Variants in NUDCD3 observed in about 807,000 individuals in gnomAD.
The protein encoded by NUDCD3 is nudC domain-containing protein 3.
NUDCD3 carries 13 observed loss-of-function variants against 39.7 expected under a neutral mutation model. That is an observed-to-expected ratio of 0.33 (90% CI 0.21 to 0.52). The LOEUF (loss-of-function observed/expected upper bound fraction) is 0.52. Among genes scored for constraint, NUDCD3 ranks in the 20% least tolerant of loss-of-function variants. The pLI is 0.96. For synonymous variants in NUDCD3, 175 were observed against 172.4 expected (o/e 1.02, Z -0.12); for missense variants, 453 against 458.1 (o/e 0.99, Z 0.10).
At chr7:44,406,294 A>T (rs1798819449) in intron 3 of NUDCD3, among the ~76,000 whole-genome samples, 2 of 152,176 alleles carry the variant, frequency 1.3e-5, no homozygotes, top group Admixed American at 6.5e-5. Flanking sequence ...TTCATAGGGG[A>T]ATTTACCACG....
chr7:44,453,409 G>C (rs1799832461), intron 2 of NUDCD3, among the ~76,000 whole-genome samples: 1 of 151,940 alleles, frequency 6.6e-6, no homozygotes, highest in Non-Finnish European at 1.5e-5. Context: ...AATGTCCATA[G>C]AATCCCATAG....
At chr7:44,416,197 C>A (rs186739966) in intron 3 of NUDCD3, among the ~76,000 whole-genome samples, 4 of 152,180 alleles carry the variant, frequency 2.6e-5, no homozygotes, top group African/African-American at 9.7e-5. Flanking sequence ...AATCCTCCCA[C>A]CTCTGCCTCC....
At chr7:44,473,103 T>C (rs890109166) in intron 2 of NUDCD3, among the ~76,000 whole-genome samples, 3 of 152,110 alleles carry the variant, frequency 2.0e-5, no homozygotes, top group African/African-American at 7.2e-5. Context: ...AATAATAAGA[T>C]CTACACAGCA....
At chr7:44,431,435 TC>T (rs1231825069) in intron 2 of NUDCD3, among the ~76,000 whole-genome samples, 3 of 152,216 alleles carry the variant, frequency 2.0e-5, no homozygotes, top group South Asian at 4.1e-4. Flanking sequence ...GCCAGACCCT[TC>T]CTGGCAGACT....
intron 2 of NUDCD3, among the ~76,000 whole-genome samples, chr7:44,428,123 T>TAAAA (rs55642004): frequency 9.2e-5 from 7 of 76,102 alleles, no homozygotes; most frequent in African/African-American, 2.1e-4. Flanking sequence ...GGTCAATCTT[T>TAAAA]AAAAAAAAAA....
chr7:44,490,297 A>C (rs893539031), intron 1 of NUDCD3, 112 bp downstream of exon 1: 1 of 1,059,066 alleles, frequency 9.4e-7, no homozygotes, highest in African/African-American at 1.6e-5. Flanking sequence ...GCTCAACCCC[A>C]GGACACCAGG....
At chr7:44,430,620 C>T (rs1799346089) in intron 2 of NUDCD3, among the ~76,000 whole-genome samples, 1 of 151,132 alleles carries the variant, frequency 6.6e-6, no homozygotes, top group South Asian at 2.1e-4. Flanking sequence ...CCAACATGGC[C>T]CCAGCACTTG....
chr7:44,434,181 G>A (rs542152456), intron 2 of NUDCD3, among the ~76,000 whole-genome samples: 7 of 152,140 alleles, frequency 4.6e-5, no homozygotes, highest in African/African-American at 1.4e-4. Flanking sequence ...CTGAGAGCTC[G>A]TCCACTCATG....
intron 2 of NUDCD3, among the ~76,000 whole-genome samples, chr7:44,459,969 G>A (rs2116947679): frequency 6.6e-6 from 1 of 152,306 alleles, no homozygotes; most frequent in Non-Finnish European, 1.5e-5. Flanking sequence ...TCAAGTCACA[G>A]TGGAATTCAT....
At chr7:44,484,725 G>A (rs962015882) in intron 2 of NUDCD3, 3 of 441,158 alleles carry the variant, frequency 6.8e-6, no homozygotes, top group African/African-American at 5.9e-5. Flanking sequence ...TCTAATTTTG[G>A]CTCTGGATCT....
At chr7:44,444,940 T>C (rs1799661747) in intron 2 of NUDCD3, among the ~76,000 whole-genome samples, 1 of 152,232 alleles carries the variant, frequency 6.6e-6, no homozygotes, top group African/African-American at 2.4e-5. Context: ...GTGAAATCTC[T>C]GCCAATCACA....
intron 2 of NUDCD3, among the ~76,000 whole-genome samples, chr7:44,456,685 G>A (rs577342112): frequency 8.5e-5 from 13 of 152,100 alleles, no homozygotes; most frequent in Admixed American, 8.5e-4. Flanking sequence ...GAGCCCAGGA[G>A]GTCGAGGCTA....
chr7:44,468,631 C>T (rs2116961131), intron 2 of NUDCD3, among the ~76,000 whole-genome samples: 1 of 152,308 alleles, frequency 6.6e-6, no homozygotes, highest in South Asian at 2.1e-4. Context: ...CTGGGAGAGT[C>T]TAGAAGCCTG....
In NUDCD3 at chr7:44,380,660, A is replaced by C. The variant is rs1304481604; in HGVS notation, c.*5351T>G. 1 of 152,226 alleles carries C rather than the reference A, an allele frequency of 6.6e-6. No individual in the cohort carries two copies. The highest frequency in any genetic ancestry group is 2.4e-5 in the African/African-American group (1 of 41,436). The allele number at this position is 152,226 out of a possible 1,614,324, so 9.4% of individuals were successfully genotyped here. On this transcript the variant is annotated 3_prime_UTR_variant, in exon 6 of 6. Transcript: ENST00000355451. Reference sequence around the variant, plus strand: ...TAGTACCCACAAGCAATCACTGTTGAGTTCATGAACTCTCAGGCTGGAGCT... The same window carrying C: ...TAGTACCCACAAGCAATCACTGTTGCGTTCATGAACTCTCAGGCTGGAGCT...
intron 2 of NUDCD3, among the ~76,000 whole-genome samples, chr7:44,429,940 A>T (rs1327057394): frequency 6.6e-6 from 1 of 152,258 alleles, no homozygotes; most frequent in African/African-American, 2.4e-5. Flanking sequence ...CTTTCAATAT[A>T]CCATAAAACT....
chr7:44,402,847 G>A (rs1798750783), intron 4 of NUDCD3: 1 of 355,306 alleles, frequency 2.8e-6, no homozygotes, highest in Non-Finnish European at 5.7e-6. Flanking sequence ...CACCTTCAGA[G>A]GGCAAGCTAG....
intron 2 of NUDCD3, among the ~76,000 whole-genome samples, chr7:44,456,548 G>A (rs540006307): frequency 6.3e-4 from 96 of 152,008 alleles, no homozygotes; most frequent in Non-Finnish European, 9.9e-4. Context: ...ATGGGAGGAC[G>A]GCTTGAACCC....
At chr7:44,486,547 A>G (rs1800614387) in intron 1 of NUDCD3, among the ~76,000 whole-genome samples, 1 of 152,138 alleles carries the variant, frequency 6.6e-6, no homozygotes, top group African/African-American at 2.4e-5. Context: ...TAAAATCCTA[A>G]AAGGTTAAAA....
chr7:44,391,174 C>A (rs1248923631), intron 5 of NUDCD3, among the ~76,000 whole-genome samples: 2 of 152,114 alleles, frequency 1.3e-5, no homozygotes, highest in African/African-American at 2.4e-5. Flanking sequence ...AAACAAAAAA[C>A]AAACAAACTG....
Sources: gnomAD v4.1 joint callset for allele counts (sites outside exome capture counted in the v4.1 genomes callset) on GRCh38, gnomAD v4.1.1 for gene constraint, MANE v1.5 for transcripts, NCBI Gene and HGNC (gene_info 2026-07-23, HGNC 2026-07-21) for gene names.